ST3GAL3: variants seen among roughly 807,000 people sequenced by gnomAD.
ST3GAL3 encodes the protein ST3 beta-galactoside alpha-2,3-sialyltransferase 3.
In ST3GAL3, 21 loss-of-function variants were observed where a neutral mutation model predicts 50.1. That is an observed-to-expected ratio of 0.42 (90% confidence interval 0.30 to 0.60). ST3GAL3 has a LOEUF of 0.60. Ranked by LOEUF, ST3GAL3 falls within the 20% of genes least tolerant of loss-of-function variation. The probability of loss-of-function intolerance (pLI) is 0.19; values close to 1 mark genes in which losing one functional copy is unlikely to be tolerated. For missense variants in ST3GAL3, 353 were observed against 489.4 expected (o/e 0.72, Z 2.63); for synonymous variants, 183 against 190.0 (o/e 0.96, Z 0.30).
chr1:43,777,982 G>A (rs564497039), intron 2 of ST3GAL3, among the ~76,000 whole-genome samples: 46 of 152,240 alleles, frequency 3.0e-4, no homozygotes, highest in African/African-American at 9.2e-4. Context: ...GCACTCATAC[G>A]TTCACTGCAA....
chr1:43,920,749 A>G (rs1334773005), intron 10 of ST3GAL3, 33 bp from the exon 11 acceptor site: 3 of 1,614,118 alleles, frequency 1.9e-6, no homozygotes, highest in Non-Finnish European at 2.5e-6. Flanking sequence ...TGAACTCTGC[A>G]TGCCTTCTCT....
chr1:43,736,150 T>A (rs1678314999), intron 1 of ST3GAL3, 83 bp from the exon 2 acceptor site: 7 of 1,319,314 alleles, frequency 5.3e-6, no homozygotes, highest in Non-Finnish European at 7.6e-6. Context: ...CATTTGGAAA[T>A]TCTCTCTATA....
chr1:43,789,212 A>C (rs147537871), intron 2 of ST3GAL3, among the ~76,000 whole-genome samples: 2 of 152,268 alleles, frequency 1.3e-5, no homozygotes, highest in East Asian at 1.9e-4. Context: ...GAAATGGGCT[A>C]TGTTGGAGGC....
intron 2 of ST3GAL3, among the ~76,000 whole-genome samples, chr1:43,744,683 T>TAAATAAATAAATAAATAAATAAAATA (rs1340747335): frequency 7.0e-6 from 1 of 143,066 alleles, no homozygotes; most frequent in Non-Finnish European, 1.5e-5. Context: ...AATAAATAAA[T>TAAATAAATAAATAAATAAATAAAATA]AAATAAAATA....
At chr1:43,858,170 T>C in intron 5 of ST3GAL3, 1 of 1,289,324 alleles carries the variant, frequency 7.8e-7, no homozygotes. Flanking sequence ...CAAAAACATA[T>C]CCAGGCATAT....
rs575183947 is a variant in ST3GAL3, at chr1:43,783,579, T to A, written c.119-8523T>A. Reference sequence around the variant, plus strand: ...TCCTTTATCAGCTTCCTTTCCTGTTTCTAGAGCAGCTGTACTAAAACTTTT... The same window carrying A: ...TCCTTTATCAGCTTCCTTTCCTGTTACTAGAGCAGCTGTACTAAAACTTTT... On this transcript the variant is annotated intron_variant, in intron 2 of 11. Transcript: ENST00000347631. Among the ~76,000 whole-genome samples, 7 of 152,320 alleles carry A rather than the reference T, an allele frequency of 4.6e-5. No homozygotes were observed. In the South Asian group the frequency reaches 1.5e-3, roughly 32 times the overall value.
chr1:43,850,792 T>C (rs539924550), intron 5 of ST3GAL3: 6 of 904,100 alleles, frequency 6.6e-6, no homozygotes, highest in African/African-American at 1.6e-5. Flanking sequence ...TCCAGAGTCA[T>C]AGCTTGCTTC....
intron 5 of ST3GAL3, among the ~76,000 whole-genome samples, chr1:43,870,127 G>A (rs1015876369): frequency 3.9e-5 from 6 of 152,192 alleles, no homozygotes; most frequent in African/African-American, 1.4e-4. Flanking sequence ...TCTCTCTTTG[G>A]ACAAGTCACT....
chr1:43,716,579 A>G (rs1007251234), intron 1 of ST3GAL3: 1 of 152,194 alleles, frequency 6.6e-6, no homozygotes, highest in African/African-American at 2.4e-5. Context: ...TCCAATTTTT[A>G]CGGAACTAAC....
At chr1:43,775,337 G>A (rs1480584070) in intron 2 of ST3GAL3, among the ~76,000 whole-genome samples, 2 of 151,434 alleles carry the variant, frequency 1.3e-5, no homozygotes, top group African/African-American at 2.4e-5. Flanking sequence ...AGATTCAAGC[G>A]ATTCTCCTGC....
Position 43,838,114 on chromosome 1 carries a change from C to CAA in ST3GAL3, c.210-90_210-89dup, listed in dbSNP as rs56058853. 182 of 357,696 alleles carry CAA rather than the reference C, an allele frequency of 5.1e-4. 2 individuals are homozygous for CAA. Among genetic ancestry groups the CAA allele is most frequent in the Admixed American group, 6.6e-4 (18 of 27,398 alleles). 22.2% of individuals were successfully genotyped at this position (357,696 alleles called of 1,614,324 possible). A position where few individuals can be genotyped will look rare whatever the true frequency, so the allele number is the denominator to read the frequency against. ...TGGGCAACAGAACGAGACTCCGTCT[C>CAA]AAAAAAAAAAAAAAAAGGGTTAAAC... On this transcript the variant is annotated intron_variant, in intron 4 of 11. Transcript: ENST00000347631.
At chr1:43,826,720 C>T in intron 4 of ST3GAL3, among the ~76,000 whole-genome samples, 1 of 152,162 alleles carries the variant, frequency 6.6e-6, no homozygotes, top group Middle Eastern at 3.2e-3. Context: ...TTGAGTTCAG[C>T]AATGTATAAA....
At chr1:43,779,190 C>T (rs564183236) in intron 2 of ST3GAL3, among the ~76,000 whole-genome samples, 7 of 152,142 alleles carry the variant, frequency 4.6e-5, no homozygotes, top group African/African-American at 1.7e-4. Flanking sequence ...GATCCACCCG[C>T]CTCAGCCTCC....
chr1:43,887,708 A>G (rs1214604640), intron 5 of ST3GAL3, among the ~76,000 whole-genome samples: 1 of 152,178 alleles, frequency 6.6e-6, no homozygotes, highest in African/African-American at 2.4e-5. Flanking sequence ...CCTTGAATGA[A>G]TATGGCAGAG....
intron 5 of ST3GAL3, among the ~76,000 whole-genome samples, chr1:43,889,203 TACACACACAC>T (rs59739550): frequency 4.1e-5 from 6 of 148,048 alleles, no homozygotes; most frequent in Admixed American, 2.7e-4. Context: ...GGAACAGGAA[TACACACACAC>T]ACACACACAC....
At chr1:43,896,947 A>G (rs2077469027) in intron 6 of ST3GAL3, 1 of 151,742 alleles carries the variant, frequency 6.6e-6, no homozygotes, top group Non-Finnish European at 1.5e-5. Context: ...ATGTACATGT[A>G]TTTGTGTATA....
intron 2 of ST3GAL3, among the ~76,000 whole-genome samples, chr1:43,783,446 C>T (rs761008978): frequency 7.2e-5 from 11 of 152,222 alleles, no homozygotes; most frequent in Non-Finnish European, 1.6e-4. Context: ...CATCTTGTCT[C>T]TGATTGGGCT....
chr1:43,885,395 C>T (rs2075809155), intron 5 of ST3GAL3, among the ~76,000 whole-genome samples: 1 of 152,200 alleles, frequency 6.6e-6, no homozygotes, highest in South Asian at 2.1e-4. Context: ...CTCACGCACT[C>T]ACACACACCC....
At chr1:43,909,467 C>T (rs994880889) in intron 9 of ST3GAL3, among the ~76,000 whole-genome samples, 3 of 152,218 alleles carry the variant, frequency 2.0e-5, no homozygotes, top group East Asian at 3.8e-4. Context: ...TCACACGGAC[C>T]GCCCCAAGCC....
Sources: gnomAD v4.1 joint callset for allele counts (sites outside exome capture counted in the v4.1 genomes callset) on GRCh38, gnomAD v4.1.1 for gene constraint, MANE v1.5 for transcripts, NCBI Gene and HGNC (gene_info 2026-07-23, HGNC 2026-07-21) for gene names.